CAST: variants seen among roughly 807,000 people sequenced by gnomAD.
The protein encoded by CAST is MIR583 host.
In CAST, 76 loss-of-function variants were observed where a neutral mutation model predicts 119.6. The observed-to-expected ratio is 0.64, with a 90% CI of 0.53 to 0.77. CAST has a LOEUF of 0.77. Ranked by LOEUF, CAST falls within the 30% of genes least tolerant of loss-of-function variation. CAST has a pLI of 0.00. For synonymous variants in CAST, 319 were observed against 331.6 expected (o/e 0.96, Z 0.41); for missense variants, 953 against 946.5 (o/e 1.01, Z -0.09).
Position 96,755,769 on chromosome 5 carries a change from T to C in CAST, c.1710+1028T>C, listed in dbSNP as rs972461335. Among the ~76,000 whole-genome samples, 5 of 152,374 alleles carry C rather than the reference T, an allele frequency of 3.3e-5. No homozygotes were observed. The South Asian group carries it at 1.0e-3, about 32-fold the overall frequency. Reference sequence around the variant, plus strand: ...AAGTTTATTATTCTGGAAACCTTTATATTTGCTTCCTGAGTTTTACAATTC... The same window carrying C: ...AAGTTTATTATTCTGGAAACCTTTACATTTGCTTCCTGAGTTTTACAATTC... On this transcript the variant is annotated intron_variant, in intron 22 of 31. Transcript: ENST00000675179.
At chr5:96,418,625 T>A in the CAST span, among the ~76,000 whole-genome samples, 1 of 152,214 alleles carries the variant, frequency 6.6e-6, no homozygotes, top group East Asian at 1.9e-4. Context: ...GATAATAACC[T>A]TGGAATTGGG....
chr5:96,353,721 A>T, the CAST span, among the ~76,000 whole-genome samples: 2 of 152,136 alleles, frequency 1.3e-5, no homozygotes, highest in Admixed American at 1.3e-4. Context: ...ACTTAACACT[A>T]TTCTTCTCCT....
the CAST span, among the ~76,000 whole-genome samples, chr5:96,101,611 C>A: frequency 2.9e-4 from 44 of 152,284 alleles, no homozygotes; most frequent in African/African-American, 9.6e-4. Flanking sequence ...TTTCTTGATC[C>A]CTTTGTCAGA....
intron 3 of CAST, chr5:96,714,520 A>T (rs1475334602): frequency 1.3e-5 from 2 of 152,216 alleles, no homozygotes; most frequent in Non-Finnish European, 2.9e-5. Flanking sequence ...GTTAACAGAA[A>T]TTGTTTGATT....
chr5:96,557,664 A>T (rs924532365), intron 1 of CAST, among the ~76,000 whole-genome samples: 6 of 152,340 alleles, frequency 3.9e-5, no homozygotes, highest in African/African-American at 1.4e-4. Context: ...ACTGTCCTAA[A>T]TATATATGCA....
chr5:96,530,068 C>T (rs1368231309), intron 1 of CAST, among the ~76,000 whole-genome samples: 2 of 151,732 alleles, frequency 1.3e-5, no homozygotes, highest in Non-Finnish European at 2.9e-5. Context: ...CAGTGGACCT[C>T]ACTATCTAAT....
At chr5:96,408,469 A>G in the CAST span, 1 of 690,598 alleles carries the variant, frequency 1.4e-6, no homozygotes, top group South Asian at 1.5e-5. Context: ...TCTAAACCAC[A>G]GGCGGATGTT....
chr5:96,227,016 G>C, the CAST span, among the ~76,000 whole-genome samples: 2 of 152,106 alleles, frequency 1.3e-5, no homozygotes, highest in Non-Finnish European at 2.9e-5. Context: ...AGCATTGTTC[G>C]CTGTCGCTCT....
At chr5:96,624,087 T>C (rs1438131106) in intron 1 of CAST, among the ~76,000 whole-genome samples, 1 of 152,210 alleles carries the variant, frequency 6.6e-6, no homozygotes, top group African/African-American at 2.4e-5. Flanking sequence ...TCTTTCTAGA[T>C]TATAACTGGA....
the CAST span, among the ~76,000 whole-genome samples, chr5:96,491,514 A>AAAAAAAAAAAAAAAAT: frequency 6.8e-6 from 1 of 147,504 alleles, no homozygotes; most frequent in Non-Finnish European, 1.5e-5. Flanking sequence ...AAAAAAAAAA[A>AAAAAAAAAAAAAAAAT]AAAAAAAAAA....
the CAST span, among the ~76,000 whole-genome samples, chr5:96,160,276 C>G: frequency 6.6e-6 from 1 of 152,158 alleles, no homozygotes; most frequent in Non-Finnish European, 1.5e-5. Flanking sequence ...CCATTCCCCT[C>G]TCTTCAGCCC....
At chr5:95,967,948 C>T in the CAST span, among the ~76,000 whole-genome samples, 1 of 152,104 alleles carries the variant, frequency 6.6e-6, no homozygotes, top group African/African-American at 2.4e-5. Flanking sequence ...ACTATAGTTA[C>T]CTTTTAGGTA....
At chr5:96,308,917 G>A in the CAST span, 5 of 152,556 alleles carry the variant, frequency 3.3e-5, no homozygotes, top group Non-Finnish European at 7.3e-5. Context: ...GTGTTTCCCA[G>A]TCAGGATACA....
chr5:96,027,721 C>T, the CAST span, among the ~76,000 whole-genome samples: 1 of 152,122 alleles, frequency 6.6e-6, no homozygotes, highest in East Asian at 1.9e-4. Flanking sequence ...ACATTATTCT[C>T]ATCAAATCTA....
At chr5:96,123,880 A>C in the CAST span, among the ~76,000 whole-genome samples, 1 of 152,142 alleles carries the variant, frequency 6.6e-6, no homozygotes, top group Non-Finnish European at 1.5e-5. Flanking sequence ...AAAATTGCTT[A>C]GATTTTTTTT....
the CAST span, among the ~76,000 whole-genome samples, chr5:96,070,910 G>C: frequency 6.6e-6 from 1 of 152,148 alleles, no homozygotes; most frequent in African/African-American, 2.4e-5. Flanking sequence ...AAGTTGGGGA[G>C]GTATAAGGAG....
chr5:96,161,005 A>G, the CAST span, among the ~76,000 whole-genome samples: 17 of 152,188 alleles, frequency 1.1e-4, no homozygotes, highest in African/African-American at 3.4e-4. Context: ...TATTCTGGGT[A>G]TAAGTCCCTT....
At chr5:96,193,210 T>A in the CAST span, among the ~76,000 whole-genome samples, 4 of 152,206 alleles carry the variant, frequency 2.6e-5, no homozygotes, top group South Asian at 8.3e-4. Context: ...ATGTTACAGA[T>A]GCAGTGAAGT....
chr5:96,020,760 T>G, the CAST span, among the ~76,000 whole-genome samples: 1 of 152,088 alleles, frequency 6.6e-6, no homozygotes, highest in Non-Finnish European at 1.5e-5. Flanking sequence ...AATGTGATAA[T>G]AATAGAAATA....
Sources: gnomAD v4.1 joint callset for allele counts (sites outside exome capture counted in the v4.1 genomes callset) on GRCh38, gnomAD v4.1.1 for gene constraint, MANE v1.5 for transcripts, NCBI Gene and HGNC (gene_info 2026-07-23, HGNC 2026-07-21) for gene names.